The following MPPE1 variants were observed in gnomAD, a reference collection of about 807,000 sequenced individuals.
MPPE1 encodes the protein metallophosphoesterase 1, also known as metallo phosphoesterase.
Under a neutral mutation model 43.8 loss-of-function variants are expected in MPPE1, and 28 were observed. That is an observed-to-expected ratio of 0.64 (90% CI 0.47 to 0.88). The LOEUF (loss-of-function observed/expected upper bound fraction) is 0.88, where lower values mean the gene tolerates loss of function less well. Ranked by LOEUF, MPPE1 falls within the 40% of genes least tolerant of loss-of-function variation. MPPE1 has a pLI of 0.00. For synonymous variants in MPPE1, 159 were observed against 188.5 expected, an observed-to-expected ratio of 0.84 and a Z score of 1.28; for missense variants, 428 against 492.2, an observed-to-expected ratio of 0.87 and a Z score of 1.23.
At chr18:11,905,491 A>G (rs1283081163) in intron 2 of MPPE1, 6 of 152,132 alleles carry the variant, frequency 3.9e-5, no homozygotes, top group African/African-American at 1.2e-4. Flanking sequence ...TGTAGGCCTG[A>G]TAGGGTGGGG....
intron 3 of MPPE1, among the ~76,000 whole-genome samples, chr18:11,896,142 C>T (rs1484397384): frequency 3.8e-5 from 5 of 130,532 alleles, no homozygotes; most frequent in East Asian, 2.3e-4. Context: ...TGCTCTGTTG[C>T]CCAGGCTGGA....
chr18:11,885,046 A>G, intron 10 of MPPE1: 1 of 1,293,792 alleles, frequency 7.7e-7, no homozygotes, highest in South Asian at 1.2e-5. Context: ...TCTGTTCCCT[A>G]GAAATACATG....
intron 2 of MPPE1, among the ~76,000 whole-genome samples, chr18:11,899,086 T>C (rs2038884310): frequency 6.6e-6 from 1 of 151,772 alleles, no homozygotes; most frequent in African/African-American, 2.4e-5. Flanking sequence ...TTTGTTTTTT[T>C]GTATTTTTAG....
rs149187779 is a variant in MPPE1, at chr18:11,883,584, G to A, written c.*861C>T. The A allele has an allele frequency of 3.3e-4, 50 of 153,640 alleles. No homozygotes were observed. Among genetic ancestry groups the A allele is most frequent in the African/African-American group, 1.0e-3 (42 of 41,540 alleles). 9.5% of individuals were successfully genotyped at this position (153,640 alleles called of 1,614,324 possible). A position where few individuals can be genotyped will look rare whatever the true frequency, so the allele number is the denominator to read the frequency against. ...GACAGGCATTAACAGATGTAGCAAC[G>A]TGGTCTCCTATAGAGAAAATTACAC... On this transcript the variant is annotated 3_prime_UTR_variant, in exon 11 of 11. Transcript: ENST00000588072.
At chr18:11,901,074 G>T (rs1156279255) in intron 2 of MPPE1, among the ~76,000 whole-genome samples, 1 of 152,054 alleles carries the variant, frequency 6.6e-6, no homozygotes, top group Non-Finnish European at 1.5e-5. Flanking sequence ...ATTGGCAATG[G>T]GTATGTGGTA....
chr18:11,886,932 C>T lies in MPPE1; in HGVS notation c.663G>A (p.Leu221=). The T allele has an allele frequency of 1.9e-6, 3 of 1,613,202 alleles. No individual in the cohort carries two copies. The highest frequency in any genetic ancestry group is 2.5e-6 in the Non-Finnish European group (3 of 1,179,546). The change falls in exon 7 of 11, where the codon CTG becomes CTA. Residue 221 remains leucine, a synonymous_variant. Coordinates refer to ENST00000588072, the MANE Select transcript of MPPE1 (RefSeq NM_023075.6). This position sits in a 1 kb window ranked among gnomAD's most constrained non-coding sequence, Gnocchi z 4.1. ...EAELIEVSHR[L]NCSREARGSS... ...GCTCTCCTACCTCTCGGGAGCAGTT[C>T]AGTCTGTGAGAAACTTCAATGAGCT... is the stretch of plus-strand genomic sequence containing the variant.
chr18:11,886,195 A>G lies in MPPE1; in HGVS notation c.867+304T>C, dbSNP rs16976819. On this transcript the variant is annotated intron_variant, in intron 9 of 10. Transcript: ENST00000588072. The surrounding 1 kb of genome is among the most constrained non-coding windows in gnomAD (Gnocchi z 4.1). ...TAAGTCCCTAAAAAATTGACTTTTC[A>G]GTTCCATTCACATTTCTAAATACAT... 5,647 of 331,256 alleles carry G rather than the reference A, an allele frequency of 0.017. 176 individuals are homozygous for G. Among genetic ancestry groups the G allele is most frequent in the East Asian group, 0.12 (1,492 of 12,494 alleles). 20.5% of individuals were successfully genotyped at this position (331,256 alleles called of 1,614,324 possible). A position where few individuals can be genotyped will look rare whatever the true frequency, so the allele number is the denominator to read the frequency against.
intron 1 of MPPE1, among the ~76,000 whole-genome samples, chr18:11,906,685 G>A (rs1050579805): frequency 2.6e-5 from 4 of 151,770 alleles, no homozygotes; most frequent in East Asian, 1.9e-4. Flanking sequence ...GAGAAACCCC[G>A]TCTCTACTAA....
At chr18:11,903,545 G>T (rs547217150) in intron 2 of MPPE1, among the ~76,000 whole-genome samples, 44 of 152,332 alleles carry the variant, frequency 2.9e-4, no homozygotes, top group African/African-American at 1.0e-3. Context: ...GGTGGCTCAC[G>T]CCTGTAATCC....
Position 11,884,063 on chromosome 18 carries a change from C to G in MPPE1, c.*382G>C. On this transcript the variant is annotated 3_prime_UTR_variant, in exon 11 of 11. Coordinates refer to ENST00000588072, the MANE Select transcript of MPPE1 (RefSeq NM_023075.6). ...GAACCACTTCACAGGAAGAGGGAAACAGCCCAATATTTATTTATGTATACA... is the reference window on the plus strand; with the variant it reads ...GAACCACTTCACAGGAAGAGGGAAAGAGCCCAATATTTATTTATGTATACA... 1 of 175,182 alleles carries G rather than the reference C, an allele frequency of 5.7e-6. No homozygotes were observed. Among genetic ancestry groups the G allele is most frequent in the Admixed American group, 5.7e-5 (1 of 17,568 alleles). The allele number at this position is 175,182 out of a possible 1,614,324, so 10.9% of individuals were successfully genotyped here. A position where few individuals can be genotyped will look rare whatever the true frequency, so the allele number is the denominator to read the frequency against.
Position 11,885,678 on chromosome 18 carries a change from T to G in MPPE1, c.1006A>C (p.Met336Leu). The change falls in exon 10 of 11, where the codon ATG becomes CTG. Residue 336 changes from methionine to leucine, a missense_variant and splice_region_variant. Physicochemically the swap from Met to Leu is conservative, Grantham distance 15 (BLOSUM62 2). Coordinates refer to ENST00000588072, the MANE Select transcript of MPPE1 (RefSeq NM_023075.6). ...ACAAAAATAAACTTTCACGTTACCA[T>G]GATGAAACTGGGGTTGTTTCTGTTC... ...WRNRNNPSFI[M>L]GSITPTDYTL... 6.2e-7 allele frequency: 1 copy of G among 1,612,058 alleles called. No homozygotes were observed. The highest frequency in any genetic ancestry group is 8.5e-7 in the Non-Finnish European group (1 of 1,178,580).
At chr18:11,896,864 G>T in intron 3 of MPPE1, 120 bp downstream of exon 3, 1 of 894,720 alleles carries the variant, frequency 1.1e-6, no homozygotes, top group Non-Finnish European at 1.7e-6. Flanking sequence ...GTCCCTAAAT[G>T]TCCTCCTTTG....
intron 3 of MPPE1, chr18:11,895,111 C>T (rs2038450532): frequency 6.6e-6 from 1 of 152,186 alleles, no homozygotes; most frequent in Non-Finnish European, 1.5e-5. Context: ...GGCTGCTCCT[C>T]CTCTACAAAA....
chr18:11,885,442 C>A, intron 10 of MPPE1: 1 of 541,440 alleles, frequency 1.8e-6, no homozygotes, highest in South Asian at 2.3e-5. Context: ...GGATAAAGTC[C>A]ACCTGGACGG....
At position 11,882,703 on chromosome 18, in the gene MPPE1, A is replaced by C. The variant is rs965102141; in HGVS notation, c.*1742T>G. On this transcript the variant is annotated 3_prime_UTR_variant, in exon 11 of 11. Coordinates refer to ENST00000588072, the MANE Select transcript of MPPE1 (RefSeq NM_023075.6). ...TCAGGCCAAAAAAAAAAAAAAAAAA[A>C]ACCTTGACGTGTCAATGTTTGTGTC... 1.3e-5 allele frequency: 2 copies of C among 151,588 alleles called. No homozygotes were observed. Among genetic ancestry groups the C allele is most frequent in the East Asian group, 3.9e-4 (2 of 5,064 alleles). The allele number at this position is 151,588 out of a possible 1,614,324, so 9.4% of individuals were successfully genotyped here. A position where few individuals can be genotyped will look rare whatever the true frequency, so the allele number is the denominator to read the frequency against.
intron 10 of MPPE1, 87 bp downstream of exon 10, chr18:11,885,589 G>T (rs777245365): frequency 1.2e-5 from 18 of 1,479,134 alleles, no homozygotes; most frequent in South Asian, 2.5e-5. Context: ...TGTAAATTTT[G>T]ACCGATTGCA....
chr18:11,884,719 A>G, intron 10 of MPPE1, 92 bp from the exon 11 acceptor site: 1 of 1,415,164 alleles, frequency 7.1e-7, no homozygotes, highest in Non-Finnish European at 9.7e-7. Flanking sequence ...CTGCCTTCTC[A>G]GGTCCCCCTC....
In MPPE1 at chr18:11,885,695, T is replaced by C. The variant is rs568274647; in HGVS notation, c.989A>G (p.Asn330Ser). The change falls in exon 10 of 11, where the codon AAC becomes AGC. Residue 330 changes from asparagine (N) to serine (S), a missense_variant. By Grantham distance (46) the Asn-to-Ser change is conservative. Transcript: ENST00000588072. ...CGTTACCATGATGAAACTGGGGTTG[T>C]TTCTGTTCCTCCAACTGAAAGATGG... ...SVPSFSWRNRNNPSFIMGSIT... is the reference protein window; with the variant it reads ...SVPSFSWRNRSNPSFIMGSIT... 1.4e-5 allele frequency: 22 copies of C among 1,613,594 alleles called. No individual in the cohort carries two copies. Among genetic ancestry groups the C allele is most frequent in the Admixed American group, 1.0e-4 (6 of 59,984 alleles).
intron 10 of MPPE1, chr18:11,884,926 G>A (rs1401501456): frequency 1.6e-6 from 2 of 1,290,246 alleles, no homozygotes; most frequent in African/African-American, 3.0e-5. Flanking sequence ...AAATATAGTG[G>A]GGGATCCATA....
Sources: gnomAD v4.1 joint callset for allele counts (sites outside exome capture counted in the v4.1 genomes callset) on GRCh38, gnomAD v4.1.1 for gene constraint, Gnocchi (gnomAD v3.1) non-coding constraint, MANE v1.5 for transcripts, NCBI Gene and HGNC (gene_info 2026-07-23, HGNC 2026-07-21) for gene names.